Variants in GADL1 observed in about 807,000 individuals in gnomAD.
The protein encoded by GADL1 is acidic amino acid decarboxylase GADL1.
Under a neutral mutation model 69.5 loss-of-function variants are expected in GADL1, and 71 were observed. The observed-to-expected ratio is 1.02, with a 90% CI of 0.84 to 1.25. The LOEUF is 1.25. Among genes scored for constraint, GADL1 ranks in the 50% most tolerant of loss-of-function variants. The probability of loss-of-function intolerance (pLI) is 0.00; values close to 1 mark genes in which losing one functional copy is unlikely to be tolerated. For missense variants in GADL1, 737 were observed against 631.8 expected, an observed-to-expected ratio of 1.17 and a Z score of -1.79; for synonymous variants, 254 against 214.4, an observed-to-expected ratio of 1.18 and a Z score of -1.62.
chr3:30,770,952 T>C lies in GADL1; in HGVS notation c.1392+7227A>G, dbSNP rs139139702. Among the ~76,000 whole-genome samples the C allele has an allele frequency of 3.7e-3, 553 of 150,848 alleles. 5 individuals are homozygous for C. Among genetic ancestry groups the C allele is most frequent in the African/African-American group, 0.013 (530 of 40,158 alleles). ...TGAAAATGTTTAGACCACAAAACAA[T>C]ATATTAATCAGCAAATAAGCAAAGT... is the stretch of plus-strand genomic sequence containing the variant. On this transcript the variant is annotated intron_variant, in intron 14 of 14. Coordinates refer to ENST00000282538, the MANE Select transcript of GADL1 (RefSeq NM_207359.3).
Position 30,825,372 on chromosome 3 carries a change from G to A in GADL1, c.1050+8481C>T, listed in dbSNP as rs1559353323. On this transcript the variant is annotated intron_variant, in intron 11 of 14. Transcript: ENST00000282538. The stretch of plus-strand genomic sequence containing the variant: ...TATAAAATCTATTTTCAACTTCTGA[G>A]CTACTTACAAAATTAGAACACTTAT... Among the ~76,000 whole-genome samples, 3 of 151,974 alleles carry A rather than the reference G, an allele frequency of 2.0e-5. No homozygotes were observed. The East Asian group carries it at 5.8e-4, about 29-fold the overall frequency.
intron 11 of GADL1, among the ~76,000 whole-genome samples, chr3:30,804,793 ACTT>A (rs899445471): frequency 6.6e-6 from 1 of 152,142 alleles, no homozygotes; most frequent in African/African-American, 2.4e-5. Flanking sequence ...TGTTTTTACT[ACTT>A]TACTGTCTGG....
At chr3:30,747,440 A>G (rs1695723747) in intron 14 of GADL1, among the ~76,000 whole-genome samples, 1 of 152,180 alleles carries the variant, frequency 6.6e-6, no homozygotes, top group South Asian at 2.1e-4. Flanking sequence ...AGAGTGAAAG[A>G]AAGGTGGAAT....
chr3:30,794,856 A>G (rs780994440), intron 12 of GADL1, among the ~76,000 whole-genome samples: 7 of 152,198 alleles, frequency 4.6e-5, no homozygotes, highest in Non-Finnish European at 1.0e-4. Context: ...ATCTTAGTCA[A>G]TATAAAAACT....
chr3:30,792,441 T>C (rs139780715), intron 12 of GADL1, among the ~76,000 whole-genome samples: 1,628 of 152,126 alleles, frequency 0.011, 13 homozygotes, highest in Non-Finnish European at 0.013. Context: ...GGTGTAGAAG[T>C]GTACATCCGT....
At chr3:30,761,869 CAA>C (rs1204607581) in intron 14 of GADL1, among the ~76,000 whole-genome samples, 2 of 152,128 alleles carry the variant, frequency 1.3e-5, no homozygotes, top group African/African-American at 2.4e-5. Flanking sequence ...CAGCACAACA[CAA>C]ATGCTGCATT....
chr3:30,740,899 C>CAT (rs1166325295), intron 14 of GADL1, among the ~76,000 whole-genome samples: 1 of 140,446 alleles, frequency 7.1e-6, no homozygotes, highest in East Asian at 2.0e-4. Context: ...TACAAACAAA[C>CAT]ATATATATAT....
rs1359792519 is a variant in GADL1 at position 30,733,959 on chromosome 3, T to C, written c.1393-5544A>G. Among the ~76,000 whole-genome samples, 6 of 152,174 alleles carry C rather than the reference T, an allele frequency of 3.9e-5. No individual in the cohort carries two copies. In the East Asian group the frequency reaches 1.2e-3, roughly 29 times the overall value. ...GAAGGCAGAGTTTTTCCTGTCTCACTGTACTCAGGAGAAATTAGCCACAGT... is the reference window on the plus strand; with the variant it reads ...GAAGGCAGAGTTTTTCCTGTCTCACCGTACTCAGGAGAAATTAGCCACAGT... On this transcript the variant is annotated intron_variant, in intron 14 of 14. Transcript: ENST00000282538.
intron 11 of GADL1, among the ~76,000 whole-genome samples, chr3:30,831,308 AAAT>A (rs2125522452): frequency 6.6e-6 from 1 of 151,988 alleles, no homozygotes; most frequent in African/African-American, 2.4e-5. Flanking sequence ...TCAGTTTCTA[AAAT>A]AATTTTTTTT....
At chr3:30,770,611 C>T (rs1482193008) in intron 14 of GADL1, among the ~76,000 whole-genome samples, 1 of 152,086 alleles carries the variant, frequency 6.6e-6, no homozygotes, top group Non-Finnish European at 1.5e-5. Context: ...CTGTGGGTGG[C>T]CACTCCCACA....
chr3:30,887,436 G>A (rs1575249002), intron 1 of GADL1, among the ~76,000 whole-genome samples: 2 of 152,090 alleles, frequency 1.3e-5, no homozygotes, highest in Non-Finnish European at 1.5e-5. Context: ...TATAAGAAGA[G>A]GAAAAGAGAC....
chr3:30,858,182 A>G (rs1698258010), intron 2 of GADL1, among the ~76,000 whole-genome samples: 1 of 152,048 alleles, frequency 6.6e-6, no homozygotes, highest in Admixed American at 6.6e-5. Flanking sequence ...TGACTACCAC[A>G]GAGTCTGCAC....
intron 14 of GADL1, among the ~76,000 whole-genome samples, chr3:30,770,207 A>G (rs750297018): frequency 1.2e-4 from 18 of 152,252 alleles, no homozygotes; most frequent in Admixed American, 4.6e-4. Flanking sequence ...TCTAGCTTCT[A>G]TACGTACTTG....
chr3:30,802,323 G>C (rs1214151069), intron 11 of GADL1, among the ~76,000 whole-genome samples: 4 of 152,164 alleles, frequency 2.6e-5, no homozygotes, highest in African/African-American at 4.8e-5. Context: ...GTTTAACACT[G>C]TGCTGGGCAC....
chr3:30,736,438 A>G (rs1321916556), intron 14 of GADL1, among the ~76,000 whole-genome samples: 1 of 152,170 alleles, frequency 6.6e-6, no homozygotes, highest in East Asian at 1.9e-4. Context: ...CACAATAAGC[A>G]TAGTGCTTGG....
intron 12 of GADL1, among the ~76,000 whole-genome samples, chr3:30,787,719 C>G (rs1462431518): frequency 2.0e-5 from 3 of 152,276 alleles, no homozygotes; most frequent in Non-Finnish European, 2.9e-5. Flanking sequence ...CCATGCTCCT[C>G]TTGGGCCTCA....
At chr3:30,773,033 GAGGA>G (rs1159860353) in intron 14 of GADL1, among the ~76,000 whole-genome samples, 1 of 152,140 alleles carries the variant, frequency 6.6e-6, no homozygotes, top group Non-Finnish European at 1.5e-5. Flanking sequence ...GAGAGATAGG[GAGGA>G]ATGACATATT....
In GADL1 at chr3:30,834,226, C is replaced by A. The variant is rs746186787; in HGVS notation, c.959G>T (p.Gly320Val). ...MSRKHRKLLH[G>V]IHRADSVAWN... ...AGGAAACTACATTTACCTGTGGATG[C>A]CATGCAGAAGCTTGCGGTGCTTCCT... is the stretch of plus-strand genomic sequence containing the variant. The change falls in exon 10 of 15, where the codon GGC becomes GTC. Residue 320 changes from glycine (G) to valine (V), a missense_variant. By Grantham distance (109) the Gly-to-Val change is moderately radical. Coordinates refer to ENST00000282538, the MANE Select transcript of GADL1 (RefSeq NM_207359.3). 1 of 1,612,596 alleles carries A rather than the reference C, an allele frequency of 6.2e-7. No individual in the cohort carries two copies.
At chr3:30,771,479 T>C (rs984803876) in intron 14 of GADL1, among the ~76,000 whole-genome samples, 1 of 152,204 alleles carries the variant, frequency 6.6e-6, no homozygotes, top group Non-Finnish European at 1.5e-5. Flanking sequence ...CCAGCCACTA[T>C]CCAAGTAAGG....
Sources: gnomAD v4.1 joint callset for allele counts (sites outside exome capture counted in the v4.1 genomes callset) on GRCh38, gnomAD v4.1.1 for gene constraint, MANE v1.5 for transcripts, NCBI Gene and HGNC (gene_info 2026-07-23, HGNC 2026-07-21) for gene names.